The following SUGCT variants were observed in gnomAD, a reference collection of about 807,000 sequenced individuals.
SUGCT encodes the protein succinyl-CoA:glutarate CoA-transferase.
In SUGCT, 41 loss-of-function variants were observed where a neutral mutation model predicts 55.0. The ratio of observed to expected loss-of-function variants is 0.74; its 90% CI spans 0.58 to 0.97. SUGCT has a LOEUF of 0.97. Among genes scored for constraint, SUGCT ranks in the 50% least tolerant of loss-of-function variants. SUGCT has a pLI of 0.00. For synonymous variants in SUGCT, 187 were observed against 200.4 expected, an observed-to-expected ratio of 0.93 and a Z score of 0.56; for missense variants, 568 against 547.8, an observed-to-expected ratio of 1.04 and a Z score of -0.37.
At chr7:40,450,451 A>C (rs1220982093) in intron 10 of SUGCT, among the ~76,000 whole-genome samples, 1 of 150,580 alleles carries the variant, frequency 6.6e-6, no homozygotes, top group African/African-American at 2.4e-5. Context: ...TTTATACTAA[A>C]TTTTACCATG....
At chr7:40,367,448 C>CT (rs973841902) in intron 9 of SUGCT, among the ~76,000 whole-genome samples, 3 of 92,486 alleles carry the variant, frequency 3.2e-5, no homozygotes, top group African/African-American at 1.4e-4. Context: ...ATAAATTACC[C>CT]AGAAAAAAAA....
intron 12 of SUGCT, among the ~76,000 whole-genome samples, chr7:40,609,193 C>T (rs190339044): frequency 4.3e-4 from 66 of 152,118 alleles, no homozygotes; most frequent in African/African-American, 1.5e-3. Context: ...TGTACATGAT[C>T]GGATTATTGT....
chr7:40,814,485 T>C (rs1451978610), intron 13 of SUGCT, among the ~76,000 whole-genome samples: 1 of 151,986 alleles, frequency 6.6e-6, no homozygotes, highest in Non-Finnish European at 1.5e-5. Flanking sequence ...CTTGGTCCAG[T>C]CTATTGATAA....
At chr7:40,621,698 A>G (rs1360767279) in intron 12 of SUGCT, among the ~76,000 whole-genome samples, 1 of 152,204 alleles carries the variant, frequency 6.6e-6, no homozygotes, top group Non-Finnish European at 1.5e-5. Flanking sequence ...TCAAGGATGC[A>G]GGATGTGAAA....
At chr7:40,912,773 A>C in the SUGCT span, among the ~76,000 whole-genome samples, 1 of 5,776 alleles carries the variant, frequency 1.7e-4, no homozygotes, top group African/African-American at 7.7e-4. Context: ...AACGTTTCCA[A>C]AAAAAAAAAA....
At chr7:40,532,132 T>C (rs1461525875) in intron 12 of SUGCT, among the ~76,000 whole-genome samples, 1 of 152,244 alleles carries the variant, frequency 6.6e-6, no homozygotes. Context: ...ATACAGATGT[T>C]CATCTGGGGT....
intron 12 of SUGCT, among the ~76,000 whole-genome samples, chr7:40,632,115 A>G (rs1799816671): frequency 6.6e-6 from 1 of 152,184 alleles, no homozygotes; most frequent in Non-Finnish European, 1.5e-5. Flanking sequence ...TACTGTGTCC[A>G]CCATAAATAT....
chr7:40,542,010 C>T (rs892552781), intron 12 of SUGCT, among the ~76,000 whole-genome samples: 2 of 152,070 alleles, frequency 1.3e-5, no homozygotes, highest in African/African-American at 4.8e-5. Flanking sequence ...AGCCTTCCAC[C>T]AGGGAGGAGG....
At chr7:40,249,312 G>GATATATATATAT (rs1562611874) in intron 7 of SUGCT, among the ~76,000 whole-genome samples, 1 of 22,206 alleles carries the variant, frequency 4.5e-5, no homozygotes, top group African/African-American at 2.6e-4. Context: ...ACACCAAAAA[G>GATATATATATAT]CTATATATAT....
intron 13 of SUGCT, among the ~76,000 whole-genome samples, chr7:40,859,752 G>C (rs1431987321): frequency 2.0e-5 from 3 of 152,232 alleles, no homozygotes; most frequent in African/African-American, 7.2e-5. Flanking sequence ...TAAGAGCGGA[G>C]AGCAAAGCCT....
At chr7:40,946,519 G>C in the SUGCT span, among the ~76,000 whole-genome samples, 2 of 152,182 alleles carry the variant, frequency 1.3e-5, no homozygotes, top group Admixed American at 1.3e-4. Context: ...GGCTAATCCA[G>C]CTCCTATGTG....
chr7:40,356,733 T>G (rs1389190219), intron 9 of SUGCT, among the ~76,000 whole-genome samples: 1 of 152,248 alleles, frequency 6.6e-6, no homozygotes, highest in Non-Finnish European at 1.5e-5. Context: ...TAGTGTTTTC[T>G]TAGTTTCTTT....
chr7:40,358,565 T>G (rs932351562), intron 9 of SUGCT, among the ~76,000 whole-genome samples: 1 of 151,926 alleles, frequency 6.6e-6, no homozygotes, highest in Non-Finnish European at 1.5e-5. Flanking sequence ...ATACAAAAAA[T>G]TAGCCAGGTG....
chr7:40,420,721 C>T (rs1787261744), intron 9 of SUGCT, among the ~76,000 whole-genome samples: 1 of 152,010 alleles, frequency 6.6e-6, no homozygotes, highest in East Asian at 1.9e-4. Flanking sequence ...GTTTATGTCT[C>T]CATTTCCATG....
intron 12 of SUGCT, among the ~76,000 whole-genome samples, chr7:40,689,767 T>C (rs988420914): frequency 1.0e-5 from 1 of 97,302 alleles, no homozygotes; most frequent in South Asian, 3.0e-4. Flanking sequence ...GGGGGTGGGG[T>C]GGATGGATTG....
chr7:41,014,072 T>C, the SUGCT span, among the ~76,000 whole-genome samples: 2 of 152,206 alleles, frequency 1.3e-5, no homozygotes, highest in Non-Finnish European at 2.9e-5. Flanking sequence ...ATAAGATTCT[T>C]AAAATAGTGT....
chr7:40,204,365 C>T lies in SUGCT; in HGVS notation c.484+9305C>T, dbSNP rs796296900. The stretch of plus-strand genomic sequence containing the variant: ...TCACCCAGGCTGGAGTGCAGTGGCG[C>T]GATCTTGGCTCACTGCAGCCTCCAC... On this transcript the variant is annotated intron_variant, in intron 6 of 13. Transcript: ENST00000335693. 1.1e-4 allele frequency among the ~76,000 whole-genome samples: 16 copies of T among 150,194 alleles called. No individual in the cohort carries two copies. The South Asian group carries it at 2.3e-3, about 22-fold the overall frequency.
chr7:40,500,025 G>C (rs1792193907), intron 12 of SUGCT, among the ~76,000 whole-genome samples: 1 of 152,268 alleles, frequency 6.6e-6, no homozygotes, highest in Non-Finnish European at 1.5e-5. Flanking sequence ...TCTCACCACT[G>C]AGAGGGATTA....
chr7:40,924,564 A>G, the SUGCT span, among the ~76,000 whole-genome samples: 1 of 152,020 alleles, frequency 6.6e-6, no homozygotes, highest in African/African-American at 2.4e-5. Context: ...TCAATTTTCT[A>G]TATTAGACCC....
Sources: gnomAD v4.1 joint callset for allele counts (sites outside exome capture counted in the v4.1 genomes callset) on GRCh38, gnomAD v4.1.1 for gene constraint, MANE v1.5 for transcripts, NCBI Gene and HGNC (gene_info 2026-07-23, HGNC 2026-07-21) for gene names.